Variants in GSG1L2 observed in about 807,000 individuals in gnomAD.
The protein encoded by GSG1L2 is GSG1 like 2.
Under a neutral mutation model 9.0 loss-of-function variants are expected in GSG1L2, and 15 were observed. That is an observed-to-expected ratio of 1.67 (90% CI 1.12 to 2.57). GSG1L2 has a LOEUF of 2.57. Ranked by LOEUF, GSG1L2 falls within the 30% of genes most tolerant of loss-of-function variation. GSG1L2 has a pLI of 0.00. For missense variants in GSG1L2, 286 were observed against 150.3 expected (o/e 1.90, Z -4.72); for synonymous variants, 127 against 57.9 (o/e 2.19, Z -5.41).
intron 1 of GSG1L2, among the ~76,000 whole-genome samples, chr17:9,816,682 T>TGTCTGTGTGC (rs1567711400): frequency 2.1e-5 from 3 of 145,822 alleles, no homozygotes; most frequent in South Asian, 2.2e-4. Flanking sequence ...TCTGTGTGTG[T>TGTCTGTGTGC]GTGTCTGTGT....
rs1223033140 is a variant in GSG1L2, at chr17:9,821,783, C to T, written c.289G>A (p.Glu97Lys). 4 of 703,444 alleles carry T rather than the reference C, an allele frequency of 5.7e-6. No individual in the cohort carries two copies. Among genetic ancestry groups the T allele is most frequent in the African/African-American group, 1.7e-5 (1 of 57,392 alleles). 43.6% of individuals were successfully genotyped at this position (703,444 alleles called of 1,614,324 possible). A position where few individuals can be genotyped will look rare whatever the true frequency, so the allele number is the denominator to read the frequency against. The change falls in exon 1 of 5, where the codon GAG (glutamate) becomes AAG (lysine). Residue 97 changes from glutamate to lysine, a missense_variant. Physicochemically the swap from Glu to Lys is moderately conservative, Grantham distance 56. Transcript: ENST00000399363. ...GFHVGLWQSC[E>K]ESLNGEDEKC... ...TCACCTTCACCGTTGAGGCTCTCCT[C>T]GCAGGACTGCCAGAGCCCCACATGG...
intron 1 of GSG1L2, among the ~76,000 whole-genome samples, chr17:9,819,475 C>G (rs2066580453): frequency 6.6e-6 from 1 of 152,150 alleles, no homozygotes; most frequent in Non-Finnish European, 1.5e-5. Context: ...GAAGAAAATA[C>G]TAGAAGAAAC....
chr17:9,810,636 T>G lies in GSG1L2; in HGVS notation c.311-18A>C. ...CTTTTCATCTGAAAGATAAAGAGAA[T>G]GCATCCAGAAGTGGGTTACACTTCA... On this transcript the variant is annotated intron_variant, in intron 1 of 4. Coordinates refer to ENST00000399363, the MANE Select transcript of GSG1L2 (RefSeq NM_001310219.2). 1.4e-6 allele frequency: 1 copy of G among 702,990 alleles called. No homozygotes were observed. The highest frequency in any genetic ancestry group is 2.6e-6 in the Non-Finnish European group (1 of 384,994). The allele number at this position is 702,990 out of a possible 1,614,324, so 43.5% of individuals were successfully genotyped here.
chr17:9,817,234 C>A (rs1303515040), intron 1 of GSG1L2, among the ~76,000 whole-genome samples: 3 of 152,152 alleles, frequency 2.0e-5, no homozygotes, highest in African/African-American at 7.2e-5. Flanking sequence ...CCCACCCCTG[C>A]CGGAATATCC....
At chr17:9,807,798 A>C in intron 3 of GSG1L2, 197 bp from the exon 4 acceptor site, 2 of 526,456 alleles carry the variant, frequency 3.8e-6, no homozygotes, top group Non-Finnish European at 6.9e-6. Context: ...GAAAGACACA[A>C]TCGGGGAGGA....
At position 9,816,781 on chromosome 17, in the gene GSG1L2, CTGTG is replaced by C. The variant is rs1286977419; in HGVS notation, c.310+4977_310+4980del. ...TCTGTGTCTGTGTGTGCGTGTGTGTCTGTGTGTGCGTATCTGTGTATGTGTGTCT... is the reference window on the plus strand; with the variant it reads ...TCTGTGTCTGTGTGTGCGTGTGTGTCTGTGCGTATCTGTGTATGTGTGTCT... On this transcript the variant is annotated intron_variant, in intron 1 of 4. Coordinates refer to ENST00000399363, the MANE Select transcript of GSG1L2 (RefSeq NM_001310219.2). Among the ~76,000 whole-genome samples the C allele has an allele frequency of 1.1e-4, 4 of 37,042 alleles. No individual in the cohort carries two copies. The Admixed American group carries it at 1.8e-3, about 17-fold the overall frequency. The allele number at this position is 37,042 out of a possible 152,430, so 24.3% of individuals were successfully genotyped here.
At chr17:9,815,066 G>A (rs1361041543) in intron 1 of GSG1L2, among the ~76,000 whole-genome samples, 1 of 152,192 alleles carries the variant, frequency 6.6e-6, no homozygotes, top group Non-Finnish European at 1.5e-5. Context: ...GTTCTTGGAG[G>A]TGGCTTGGGC....
chr17:9,811,721 G>A (rs2066539635), intron 1 of GSG1L2, among the ~76,000 whole-genome samples: 1 of 152,198 alleles, frequency 6.6e-6, no homozygotes, highest in Non-Finnish European at 1.5e-5. Context: ...GCGTTCAAGG[G>A]CCTCTGAGGG....
chr17:9,807,670 G>A (rs2066521357), intron 3 of GSG1L2, 69 bp from the exon 4 acceptor site: 1 of 699,714 alleles, frequency 1.4e-6, no homozygotes, highest in African/African-American at 1.7e-5. Flanking sequence ...CGCGGTGTGA[G>A]TTGGCTGTAA....
chr17:9,821,871 G>A lies in GSG1L2; in HGVS notation c.201C>T (p.Asn67=). The part of the protein sequence containing the change: ...RDNSSNGRMD[N]NSQAVLYIWE... ...AAATGTACAGGACAGCCTGGCTATT[G>A]TTGTCCATCCTGCCATTGCTGCTGT... Residue 67 remains asparagine, a synonymous_variant, in exon 1 of 5, where the codon AAC becomes AAT. Coordinates refer to ENST00000399363, the MANE Select transcript of GSG1L2 (RefSeq NM_001310219.2). The A allele has an allele frequency of 2.8e-6, 2 of 703,332 alleles. No homozygotes were observed. Among genetic ancestry groups the A allele is most frequent in the Non-Finnish European group, 5.2e-6 (2 of 385,062 alleles). The allele number at this position is 703,332 out of a possible 1,614,324, so 43.6% of individuals were successfully genotyped here.
At chr17:9,811,504 A>C (rs1294555724) in intron 1 of GSG1L2, among the ~76,000 whole-genome samples, 1 of 152,194 alleles carries the variant, frequency 6.6e-6, no homozygotes, top group Non-Finnish European at 1.5e-5. Flanking sequence ...ATGGATATCC[A>C]CTTGGTGTGA....
In GSG1L2 at chr17:9,821,782, T is replaced by C. The variant is rs1232111043; in HGVS notation, c.290A>G (p.Glu97Gly). The C allele has an allele frequency of 2.8e-6, 2 of 703,398 alleles. No homozygotes were observed. The highest frequency in any genetic ancestry group is 4.0e-5 in the Admixed American group (2 of 50,022). 43.6% of individuals were successfully genotyped at this position (703,398 alleles called of 1,614,324 possible). A position where few individuals can be genotyped will look rare whatever the true frequency, so the allele number is the denominator to read the frequency against. The stretch of plus-strand genomic sequence containing the variant: ...CTCACCTTCACCGTTGAGGCTCTCC[T>C]CGCAGGACTGCCAGAGCCCCACATG... The part of the protein sequence containing the change: ...GFHVGLWQSC[E>G]ESLNGEDEKC... The change falls in exon 1 of 5, where the codon GAG (glutamate) becomes GGG (glycine). Residue 97 changes from glutamate (E) to glycine (G), a missense_variant. Physicochemically the swap from Glu to Gly is moderately conservative, Grantham distance 98. Coordinates refer to ENST00000399363, the MANE Select transcript of GSG1L2 (RefSeq NM_001310219.2).
At chr17:9,815,680 AT>A (rs1316417327) in intron 1 of GSG1L2, among the ~76,000 whole-genome samples, 1 of 152,238 alleles carries the variant, frequency 6.6e-6, no homozygotes, top group Non-Finnish European at 1.5e-5. Context: ...TACAAAGAGC[AT>A]CTCAAAAGGC....
At chr17:9,819,159 G>A (rs2066579485) in intron 1 of GSG1L2, among the ~76,000 whole-genome samples, 1 of 152,214 alleles carries the variant, frequency 6.6e-6, no homozygotes, top group Non-Finnish European at 1.5e-5. Flanking sequence ...TAAAACACCA[G>A]TGCCATAAGG....
chr17:9,803,171 T>C (rs935510662), intron 4 of GSG1L2, among the ~76,000 whole-genome samples: 56 of 150,406 alleles, frequency 3.7e-4, no homozygotes, highest in African/African-American at 1.2e-3. Flanking sequence ...TGGCATGATC[T>C]TGGCTCACTG....
rs1323170025 is a variant in GSG1L2, at chr17:9,801,909, A to G, written c.*477T>C. ...TGAAATTTCTGTCTTCTTGATTCAA[A>G]TGAAAAAGAAAGTATGACATAGCCA... On this transcript the variant is annotated 3_prime_UTR_variant, in exon 5 of 5. Coordinates refer to ENST00000399363, the MANE Select transcript of GSG1L2 (RefSeq NM_001310219.2). Among the ~76,000 whole-genome samples, 1 of 152,262 alleles carries G rather than the reference A, an allele frequency of 6.6e-6. No individual in the cohort carries two copies. Among genetic ancestry groups the G allele is most frequent in the Non-Finnish European group, 1.5e-5 (1 of 68,048 alleles).
At chr17:9,809,204 G>A in intron 2 of GSG1L2, 2 of 532,824 alleles carry the variant, frequency 3.8e-6, no homozygotes, top group Non-Finnish European at 6.8e-6. Flanking sequence ...AACGGGCGGT[G>A]GGGTGGGGGC....
At chr17:9,816,922 G>GTGTGTGTGTATC (rs1567711609) in intron 1 of GSG1L2, among the ~76,000 whole-genome samples, 1 of 148,786 alleles carries the variant, frequency 6.7e-6, no homozygotes, top group African/African-American at 2.5e-5. Context: ...GTGTGTGTGT[G>GTGTGTGTGTATC]TGTGTGTGTG....
rs1298515163 is a variant in GSG1L2, at chr17:9,820,490, A to G, written c.310+1272T>C. Among the ~76,000 whole-genome samples the G allele has an allele frequency of 6.7e-6, 1 of 148,752 alleles. No individual in the cohort carries two copies. Among genetic ancestry groups the G allele is most frequent in the African/African-American group, 2.5e-5 (1 of 39,872 alleles). Reference sequence around the variant, plus strand: ...AGAAGCGAGGAACTGTGGAGGTCCTAAATAGCCTTAGCTCCAGGCACTATT... The same window carrying G: ...AGAAGCGAGGAACTGTGGAGGTCCTGAATAGCCTTAGCTCCAGGCACTATT... On this transcript the variant is annotated intron_variant, in intron 1 of 4. Coordinates refer to ENST00000399363, the MANE Select transcript of GSG1L2 (RefSeq NM_001310219.2). The surrounding 1 kb of genome is among the most constrained non-coding windows in gnomAD (Gnocchi z 4.9).
Sources: allele counts gnomAD v4.1 joint callset (sites outside exome capture counted in the v4.1 genomes callset), GRCh38; gene constraint gnomAD v4.1.1; non-coding constraint Gnocchi (gnomAD v3.1); transcripts MANE v1.5; gene names NCBI Gene and HGNC (gene_info 2026-07-23, HGNC 2026-07-21).